LDLRAD4: variants seen among roughly 807,000 people sequenced by gnomAD.
LDLRAD4 encodes the protein low density lipoprotein receptor class A domain containing 4.
In LDLRAD4, 5 loss-of-function variants were observed where a neutral mutation model predicts 17.0. That is an observed-to-expected ratio of 0.29 (90% CI 0.15 to 0.62). The LOEUF (loss-of-function observed/expected upper bound fraction) is 0.62, where lower values mean the gene tolerates loss of function less well. Ranked by LOEUF, LDLRAD4 falls within the 20% of genes least tolerant of loss-of-function variation. The pLI is 0.84. For synonymous variants in LDLRAD4, 168 were observed against 171.8 expected (o/e 0.98, Z 0.17); for missense variants, 340 against 424.7 (o/e 0.80, Z 1.75).
At chr18:13,475,855 G>A (rs1041873397) in intron 3 of LDLRAD4, among the ~76,000 whole-genome samples, 1 of 152,032 alleles carries the variant, frequency 6.6e-6, no homozygotes, top group African/African-American at 2.4e-5. Context: ...GTATGACTGT[G>A]CTTCTGACTC....
At chr18:13,425,148 A>G (rs1211482314) in intron 2 of LDLRAD4, among the ~76,000 whole-genome samples, 1 of 152,256 alleles carries the variant, frequency 6.6e-6, no homozygotes, top group African/African-American at 2.4e-5. Flanking sequence ...GATTGAAGGC[A>G]GTAAATACAA....
chr18:13,587,447 C>T (rs527395325), intron 3 of LDLRAD4, among the ~76,000 whole-genome samples: 1 of 152,180 alleles, frequency 6.6e-6, no homozygotes, highest in African/African-American at 2.4e-5. Context: ...CAGATTCCCT[C>T]ACAGAAAGGA....
intron 1 of LDLRAD4, among the ~76,000 whole-genome samples, chr18:13,265,064 C>G (rs535722563): frequency 6.6e-6 from 1 of 152,206 alleles, no homozygotes; most frequent in Non-Finnish European, 1.5e-5. Flanking sequence ...TCCACTGTGT[C>G]GCCAAGGCCT....
upstream of LDLRAD4, among the ~76,000 whole-genome samples, chr18:13,277,857 C>G (rs2044988468): frequency 6.6e-6 from 1 of 152,214 alleles, no homozygotes; most frequent in Non-Finnish European, 1.5e-5. Flanking sequence ...CAGATGAGGA[C>G]TCGGTGCCCC....
chr18:13,224,906 C>T (rs1482633469), intron 1 of LDLRAD4, among the ~76,000 whole-genome samples: 3 of 151,138 alleles, frequency 2.0e-5, no homozygotes, highest in Non-Finnish European at 4.4e-5. Flanking sequence ...CATCTCAGCT[C>T]ACTGCAACCT....
rs57033432 is a variant in LDLRAD4 at position 13,321,861 on chromosome 18, C to CAAAA, written c.-383+43711_-383+43714dup. On this transcript the variant is annotated intron_variant, in intron 1 of 5. Transcript: ENST00000359446. ...AGGCAACAACAGCGAGACTCCGTCTCAAAAAAAAAAAAAAAAAAAAAAAAA... is the reference window on the plus strand; with the variant it reads ...AGGCAACAACAGCGAGACTCCGTCTCAAAAAAAAAAAAAAAAAAAAAAAAAAAAA... Among the ~76,000 whole-genome samples, 254 of 62,108 alleles carry CAAAA rather than the reference C, an allele frequency of 4.1e-3. 19 individuals are homozygous for CAAAA. The highest frequency in any genetic ancestry group is 7.6e-3 in the East Asian group (7 of 920). The allele number at this position is 62,108 out of a possible 152,430, so 40.7% of individuals were successfully genotyped here.
chr18:13,498,649 G>A (rs574614256), intron 3 of LDLRAD4, among the ~76,000 whole-genome samples: 25 of 149,946 alleles, frequency 1.7e-4, no homozygotes, highest in Non-Finnish European at 3.1e-4. Flanking sequence ...GTCCCACTGT[G>A]GACACTGGAG....
intron 3 of LDLRAD4, among the ~76,000 whole-genome samples, chr18:13,541,574 G>T (rs2094283770): frequency 6.6e-6 from 1 of 152,208 alleles, no homozygotes; most frequent in Non-Finnish European, 1.5e-5. Flanking sequence ...CTCATAGAAA[G>T]ACTGTTGGTT....
chr18:13,221,451 G>A (rs2041448721), intron 1 of LDLRAD4, among the ~76,000 whole-genome samples: 1 of 152,054 alleles, frequency 6.6e-6, no homozygotes, highest in Non-Finnish European at 1.5e-5. Context: ...CTATATTACG[G>A]GTGTACATGG....
intron 2 of LDLRAD4, among the ~76,000 whole-genome samples, chr18:13,392,483 C>G (rs1212348266): frequency 6.6e-6 from 1 of 152,202 alleles, no homozygotes; most frequent in Non-Finnish European, 1.5e-5. Context: ...AAACAAACCC[C>G]CAGTTCCTCT....
At chr18:13,322,309 TTTG>T (rs1434572986) in intron 1 of LDLRAD4, among the ~76,000 whole-genome samples, 2 of 147,840 alleles carry the variant, frequency 1.4e-5, no homozygotes, top group Non-Finnish European at 1.5e-5. Context: ...TTTTTTTTTT[TTTG>T]GTTTTGAGAC....
chr18:13,497,245 C>T (rs2147198738), intron 3 of LDLRAD4, among the ~76,000 whole-genome samples: 1 of 152,308 alleles, frequency 6.6e-6, no homozygotes, highest in African/African-American at 2.4e-5. Context: ...GCAGTGATCA[C>T]AGCTCCCTGC....
intron 3 of LDLRAD4, among the ~76,000 whole-genome samples, chr18:13,581,506 A>G (rs1248416233): frequency 6.6e-6 from 1 of 152,214 alleles, no homozygotes; most frequent in South Asian, 2.1e-4. Context: ...GGGAACATGA[A>G]AAAGGGACTC....
intron 3 of LDLRAD4, among the ~76,000 whole-genome samples, chr18:13,467,045 A>G (rs1359445525): frequency 1.3e-5 from 2 of 152,216 alleles, no homozygotes; most frequent in Non-Finnish European, 2.9e-5. Context: ...ACCTACTAAT[A>G]CCATACTCAG....
At position 13,480,003 on chromosome 18, in the gene LDLRAD4, C is replaced by T. The variant is rs548576030; in HGVS notation, c.181+41619C>T. On this transcript the variant is annotated intron_variant, in intron 3 of 5. Coordinates refer to ENST00000359446, the Ensembl canonical transcript of LDLRAD4. The stretch of plus-strand genomic sequence containing the variant: ...GGCAGCCACATTGGAAACAGTTTGA[C>T]GGTGTCTTTCAAAACTCAGCATAAT... 3.3e-5 allele frequency among the ~76,000 whole-genome samples: 5 copies of T among 152,300 alleles called. No homozygotes were observed. The East Asian group carries it at 5.8e-4, about 18-fold the overall frequency.
chr18:13,537,958 A>G (rs184171701), intron 3 of LDLRAD4, among the ~76,000 whole-genome samples: 7 of 152,332 alleles, frequency 4.6e-5, no homozygotes, highest in Non-Finnish European at 8.8e-5. Context: ...TGTTAAATCT[A>G]TTGGCACAAA....
chr18:13,318,065 G>T (rs79371417), intron 1 of LDLRAD4, among the ~76,000 whole-genome samples: 1 of 152,002 alleles, frequency 6.6e-6, no homozygotes, highest in Non-Finnish European at 1.5e-5. Flanking sequence ...TCTGCCACTC[G>T]TCCGGTCCCT....
intron 3 of LDLRAD4, among the ~76,000 whole-genome samples, chr18:13,610,106 G>GA (rs1431658002): frequency 6.6e-6 from 1 of 151,778 alleles, no homozygotes; most frequent in Non-Finnish European, 1.5e-5. Context: ...TTAAATGAAA[G>GA]AAAAAAATGT....
chr18:13,409,471 A>G (rs2088115790), intron 2 of LDLRAD4, among the ~76,000 whole-genome samples: 1 of 152,242 alleles, frequency 6.6e-6, no homozygotes. Flanking sequence ...TAGACACAGG[A>G]AGACTTTAAG....
Sources: allele counts gnomAD v4.1 joint callset (sites outside exome capture counted in the v4.1 genomes callset), GRCh38; gene constraint gnomAD v4.1.1; transcripts MANE v1.5; gene names NCBI Gene and HGNC (gene_info 2026-07-23, HGNC 2026-07-21).